The following LINGO2 variants were observed in gnomAD, a reference collection of about 807,000 sequenced individuals.
LINGO2 encodes the protein leucine-rich repeat and immunoglobulin-like domain-containing nogo receptor-interacting protein 2.
LINGO2 carries 14 observed loss-of-function variants against 30.6 expected under a neutral mutation model. That is an observed-to-expected ratio of 0.46 (90% confidence interval 0.30 to 0.72). The LOEUF (loss-of-function observed/expected upper bound fraction) is 0.72, where lower values mean the gene tolerates loss of function less well. Among genes scored for constraint, LINGO2 ranks in the 30% least tolerant of loss-of-function variants. LINGO2 has a pLI of 0.07. For synonymous variants in LINGO2, 317 were observed against 288.5 expected, an observed-to-expected ratio of 1.10 and a Z score of -1.00; for missense variants, 729 against 751.7, an observed-to-expected ratio of 0.97 and a Z score of 0.35.
chr9:28,716,341 A>G, the LINGO2 span, among the ~76,000 whole-genome samples: 1 of 152,030 alleles, frequency 6.6e-6, no homozygotes, highest in Non-Finnish European at 1.5e-5. Context: ...AGTATGTGAA[A>G]GAAAGAATGG....
chr9:29,177,983 T>G, the LINGO2 span, among the ~76,000 whole-genome samples: 40 of 152,232 alleles, frequency 2.6e-4, no homozygotes, highest in East Asian at 6.6e-3. Context: ...TCTTCCACTT[T>G]TGGTATTTCT....
At chr9:28,456,071 A>G (rs920566539) in intron 2 of LINGO2, among the ~76,000 whole-genome samples, 1 of 152,018 alleles carries the variant, frequency 6.6e-6, no homozygotes, top group Non-Finnish European at 1.5e-5. Context: ...AATAACTAAC[A>G]TTTTTTAACC....
At chr9:29,153,849 C>T in the LINGO2 span, among the ~76,000 whole-genome samples, 2 of 152,108 alleles carry the variant, frequency 1.3e-5, no homozygotes, top group African/African-American at 4.8e-5. Flanking sequence ...GATCAACGCC[C>T]ATGTAATTCT....
chr9:27,942,354 G>A, the LINGO2 span: 2 of 151,646 alleles, frequency 1.3e-5, no homozygotes, highest in African/African-American at 2.4e-5. Context: ...ATTTTTATAC[G>A]ACTCCGATTG....
the LINGO2 span, among the ~76,000 whole-genome samples, chr9:28,791,560 G>C: frequency 6.6e-6 from 1 of 151,916 alleles, no homozygotes; most frequent in Admixed American, 6.6e-5. Context: ...ATTGAAGAAA[G>C]ATTCACTTAC....
intron 4 of LINGO2, among the ~76,000 whole-genome samples, chr9:28,096,480 C>T (rs563338668): frequency 6.6e-6 from 1 of 152,168 alleles, no homozygotes; most frequent in East Asian, 1.9e-4. Context: ...ACTTATGTCA[C>T]TTCTTCTCAC....
the LINGO2 span, among the ~76,000 whole-genome samples, chr9:29,158,616 G>C: frequency 6.6e-6 from 1 of 152,126 alleles, no homozygotes; most frequent in African/African-American, 2.4e-5. Context: ...TGTGGAAGAA[G>C]GGAGAAAAGA....
the LINGO2 span, among the ~76,000 whole-genome samples, chr9:28,873,391 G>A: frequency 0.21 from 25,949 of 121,190 alleles, 2,422 homozygotes; most frequent in East Asian, 0.43. Flanking sequence ...AAAAAAAAAA[G>A]AAAAAAAAAA....
At chr9:28,406,263 C>A (rs984629888) in intron 2 of LINGO2, among the ~76,000 whole-genome samples, 1 of 151,974 alleles carries the variant, frequency 6.6e-6, no homozygotes, top group Non-Finnish European at 1.5e-5. Context: ...TGGTGAAACC[C>A]CATGTCTACT....
intron 5 of LINGO2, among the ~76,000 whole-genome samples, chr9:27,963,006 A>G (rs2118609384): frequency 6.6e-6 from 1 of 152,310 alleles, no homozygotes; most frequent in Non-Finnish European, 1.5e-5. Flanking sequence ...AACACAAATC[A>G]AAATATCAGG....
At chr9:28,725,971 A>G in the LINGO2 span, among the ~76,000 whole-genome samples, 1 of 152,156 alleles carries the variant, frequency 6.6e-6, no homozygotes, top group Admixed American at 6.5e-5. Context: ...CCAATGTAAT[A>G]TATCAAATAA....
At chr9:28,882,784 T>C in the LINGO2 span, among the ~76,000 whole-genome samples, 8 of 152,192 alleles carry the variant, frequency 5.3e-5, 1 homozygote, top group East Asian at 1.5e-3. Context: ...CCTTTGCTGC[T>C]GATACTCATC....
intron 4 of LINGO2, among the ~76,000 whole-genome samples, chr9:28,181,316 T>A (rs1828904897): frequency 6.6e-6 from 1 of 152,222 alleles, no homozygotes; most frequent in Non-Finnish European, 1.5e-5. Flanking sequence ...AAGTTTCCTA[T>A]GAACAATGTT....
intron 4 of LINGO2, among the ~76,000 whole-genome samples, chr9:28,035,893 A>AAAC (rs1823909022): frequency 3.3e-5 from 5 of 149,300 alleles, no homozygotes; most frequent in East Asian, 3.9e-4. Context: ...CACACACACA[A>AAAC]ACACACACAC....
At chr9:28,018,548 C>G (rs1264199173) in intron 4 of LINGO2, among the ~76,000 whole-genome samples, 2 of 152,090 alleles carry the variant, frequency 1.3e-5, no homozygotes, top group Non-Finnish European at 2.9e-5. Context: ...TGAACAGATA[C>G]TTTTCAGAAG....
Position 28,148,690 on chromosome 9 carries a change from C to T in LINGO2, c.-86-136285G>A, listed in dbSNP as rs4007458. On this transcript the variant is annotated intron_variant, in intron 4 of 5. Transcript: ENST00000379992. This position sits in a 1 kb window ranked among gnomAD's most constrained non-coding sequence, Gnocchi z 5.1. ...TGCCTGCAGTGAGTTTCTACTCCAACGGCCATGGAGTCGCCAGTTCACACA... is the reference window on the plus strand; with the variant it reads ...TGCCTGCAGTGAGTTTCTACTCCAATGGCCATGGAGTCGCCAGTTCACACA... 1.2e-4 allele frequency: 185 copies of T among 1,533,198 alleles called. No individual in the cohort carries two copies. The highest frequency in any genetic ancestry group is 1.5e-4 in the Non-Finnish European group (172 of 1,145,766). The allele number at this position is 1,533,198 out of a possible 1,614,324, so 95.0% of individuals were successfully genotyped here.
chr9:28,124,140 C>T (rs764066999), intron 4 of LINGO2, among the ~76,000 whole-genome samples: 1 of 152,172 alleles, frequency 6.6e-6, no homozygotes, highest in Non-Finnish European at 1.5e-5. Context: ...TTGGTCTATT[C>T]ATTGAAGCAT....
At chr9:28,888,424 T>C in the LINGO2 span, among the ~76,000 whole-genome samples, 1 of 152,064 alleles carries the variant, frequency 6.6e-6, no homozygotes, top group Admixed American at 6.6e-5. Context: ...AGAGAAAATA[T>C]TTTCTCAGAA....
At chr9:28,095,777 T>C (rs1826225870) in intron 4 of LINGO2, among the ~76,000 whole-genome samples, 1 of 152,086 alleles carries the variant, frequency 6.6e-6, no homozygotes, top group African/African-American at 2.4e-5. Flanking sequence ...ACAGGCAACC[T>C]ACAAAACGGG....
Sources: gnomAD v4.1 joint callset for allele counts (sites outside exome capture counted in the v4.1 genomes callset) on GRCh38, gnomAD v4.1.1 for gene constraint, Gnocchi (gnomAD v3.1) non-coding constraint, MANE v1.5 for transcripts, NCBI Gene and HGNC (gene_info 2026-07-23, HGNC 2026-07-21) for gene names.